The following MEF2A variants were observed in gnomAD, a reference collection of about 807,000 sequenced individuals.
MEF2A encodes the protein myocyte-specific enhancer factor 2A.
Under a neutral mutation model 55.8 loss-of-function variants are expected in MEF2A, and 28 were observed. The observed-to-expected ratio is 0.50, with a 90% CI of 0.37 to 0.69. The LOEUF is 0.69. Among genes scored for constraint, MEF2A ranks in the 30% least tolerant of loss-of-function variants. MEF2A has a pLI of 0.00. For missense variants in MEF2A, 528 were observed against 626.2 expected (o/e 0.84, Z 1.67); for synonymous variants, 239 against 227.1 (o/e 1.05, Z -0.47).
chr15:99,681,747 A>T, intron 7 of MEF2A: 1 of 152,222 alleles, frequency 6.6e-6, no homozygotes, highest in East Asian at 1.9e-4. Flanking sequence ...CATGCATTCA[A>T]TTATTTCAAA....
At chr15:99,671,106 T>C (rs775889137) in intron 4 of MEF2A, among the ~76,000 whole-genome samples, 2 of 152,252 alleles carry the variant, frequency 1.3e-5, no homozygotes, top group African/African-American at 2.4e-5. Flanking sequence ...CAAACAAATA[T>C]TCCTTTTCTC....
At chr15:99,690,461 A>G (rs1267193235) in intron 8 of MEF2A, 33 bp downstream of exon 8, 1 of 1,543,678 alleles carries the variant, frequency 6.5e-7, no homozygotes, top group African/African-American at 1.4e-5. Context: ...TTCATTCTTT[A>G]AAACACATAT....
chr15:99,590,549 C>G (rs1456095156), intron 1 of MEF2A, among the ~76,000 whole-genome samples: 1 of 149,518 alleles, frequency 6.7e-6, no homozygotes, highest in Non-Finnish European at 1.5e-5. Flanking sequence ...TTCTACTTGT[C>G]CTATTTTGTG....
intron 1 of MEF2A, among the ~76,000 whole-genome samples, chr15:99,581,073 GT>G (rs930892827): frequency 1.3e-5 from 2 of 151,882 alleles, no homozygotes; most frequent in African/African-American, 4.8e-5. Flanking sequence ...TTGTGTAGAA[GT>G]TCTTTATGCT....
chr15:99,665,245 T>G (rs1402155650), intron 4 of MEF2A, among the ~76,000 whole-genome samples: 1 of 152,200 alleles, frequency 6.6e-6, no homozygotes, highest in Admixed American at 6.5e-5. Context: ...TTGTTTTTCC[T>G]TAAATTGGTA....
chr15:99,597,414 C>G (rs1034265943), intron 1 of MEF2A, among the ~76,000 whole-genome samples: 2 of 152,084 alleles, frequency 1.3e-5, no homozygotes, highest in Admixed American at 6.5e-5. Flanking sequence ...GGTCAGAGAC[C>G]AGTTGATCTC....
At chr15:99,594,657 C>T (rs573074508) in intron 1 of MEF2A, among the ~76,000 whole-genome samples, 1 of 152,158 alleles carries the variant, frequency 6.6e-6, no homozygotes, top group East Asian at 1.9e-4. Context: ...CTACCTAGGG[C>T]CCCCTAGTCA....
At chr15:99,619,023 G>A (rs974598214) in intron 2 of MEF2A, among the ~76,000 whole-genome samples, 3 of 152,232 alleles carry the variant, frequency 2.0e-5, no homozygotes, top group African/African-American at 7.2e-5. Flanking sequence ...GGCAGCACTT[G>A]AAGCTTGAAA....
In MEF2A at chr15:99,671,201, A is replaced by G. The variant is rs191247586; in HGVS notation, c.259-122A>G. 1,815 of 1,007,112 alleles carry G rather than the reference A, an allele frequency of 1.8e-3. 26 individuals are homozygous for G. In the African/African-American group the frequency reaches 0.025, roughly 14 times the overall value. 62.4% of individuals were successfully genotyped at this position (1,007,112 alleles called of 1,614,324 possible). ...GTAAGTACATTTGTGATCATTTAGA[A>G]ACCGTTTCAGTGGCTCTTGTATAAT... On this transcript the variant is annotated intron_variant, in intron 4 of 11. Transcript: ENST00000557942.
At chr15:99,702,523 GTTCAAGCAA>G (rs2057530237) in intron 8 of MEF2A, among the ~76,000 whole-genome samples, 4 of 151,688 alleles carry the variant, frequency 2.6e-5, no homozygotes, top group African/African-American at 9.7e-5. Flanking sequence ...TGCCGCCCGG[GTTCAAGCAA>G]TTCTCCTGCC....
chr15:99,601,914 A>G (rs1973223786), intron 2 of MEF2A, among the ~76,000 whole-genome samples: 1 of 151,574 alleles, frequency 6.6e-6, no homozygotes, highest in African/African-American at 2.4e-5. Context: ...AAGAATTTGC[A>G]TAGAATTGAT....
chr15:99,674,546 C>T lies in MEF2A; in HGVS notation c.544C>T (p.Gln182Ter). ...AGATTCAAGCATGCTCTCTCCACCT[C>T]AAACCACATTACATAGAAATGTGTC... ...LTDSSMLSPP[Q>*]TTLHRNVSPG... is the part of the protein sequence containing the mutation. The change falls in exon 6 of 12, where the codon CAA (glutamine) becomes TAA (stop). Residue 182 changes from glutamine to a stop codon, truncating the protein, a stop_gained. Coordinates refer to ENST00000557942, the MANE Select transcript of MEF2A (RefSeq NM_001319206.4). LOFTEE classifies it high-confidence loss of function. 1 of 1,613,940 alleles carries T rather than the reference C, an allele frequency of 6.2e-7. No homozygotes were observed. Among genetic ancestry groups the T allele is most frequent in the Non-Finnish European group, 8.5e-7 (1 of 1,179,880 alleles).
intron 7 of MEF2A, among the ~76,000 whole-genome samples, chr15:99,689,590 C>G (rs1409808727): frequency 1.3e-5 from 2 of 152,148 alleles, no homozygotes; most frequent in Non-Finnish European, 2.9e-5. Context: ...AAGTGATTCT[C>G]CTGCCTCAGC....
intron 4 of MEF2A, among the ~76,000 whole-genome samples, chr15:99,650,023 TA>T (rs2046586638): frequency 6.6e-6 from 1 of 152,182 alleles, no homozygotes; most frequent in Admixed American, 6.5e-5. Context: ...AGGATGTAAA[TA>T]AAAGGGTCAT....
intron 7 of MEF2A, 103 bp downstream of exon 7, chr15:99,675,561 G>C (rs2051818951): frequency 9.1e-6 from 9 of 989,948 alleles, no homozygotes; most frequent in Non-Finnish European, 1.4e-5. Context: ...TCCTTCTGAA[G>C]GGTACTTTCA....
intron 7 of MEF2A, among the ~76,000 whole-genome samples, chr15:99,689,338 C>A (rs1182110092): frequency 6.6e-6 from 1 of 152,194 alleles, no homozygotes; most frequent in Non-Finnish European, 1.5e-5. Flanking sequence ...TGCTCTGATA[C>A]CTAGTTCACT....
At chr15:99,678,159 T>C (rs997651287) in intron 7 of MEF2A, among the ~76,000 whole-genome samples, 4 of 152,250 alleles carry the variant, frequency 2.6e-5, no homozygotes, top group African/African-American at 7.2e-5. Flanking sequence ...ATCTTTTTCT[T>C]TAACCCAACT....
intron 3 of MEF2A, among the ~76,000 whole-genome samples, chr15:99,638,492 T>C (rs542872224): frequency 2.3e-4 from 35 of 152,290 alleles, no homozygotes; most frequent in African/African-American, 7.7e-4. Flanking sequence ...ACTCTTTTTT[T>C]CTCTGTACTT....
At chr15:99,654,509 G>T (rs1945658905) in intron 4 of MEF2A, among the ~76,000 whole-genome samples, 2 of 150,280 alleles carry the variant, frequency 1.3e-5, no homozygotes, top group South Asian at 4.3e-4. Flanking sequence ...AAAAATAGGG[G>T]TATTGGGGGA....
Sources: allele counts gnomAD v4.1 joint callset (sites outside exome capture counted in the v4.1 genomes callset), GRCh38; gene constraint gnomAD v4.1.1; transcripts MANE v1.5; gene names NCBI Gene and HGNC (gene_info 2026-07-23, HGNC 2026-07-21).